Variants in FIP1L1 observed in about 807,000 individuals in gnomAD.
FIP1L1 encodes factor interacting with PAPOLA and CPSF1.
Under a neutral mutation model 84.6 loss-of-function variants are expected in FIP1L1, and 21 were observed. The ratio of observed to expected loss-of-function variants is 0.25; its 90% CI spans 0.18 to 0.36. FIP1L1 has a LOEUF of 0.36. Ranked by LOEUF, FIP1L1 falls within the 10% of genes least tolerant of loss-of-function variation. The pLI is 1.00. For synonymous variants in FIP1L1, 263 were observed against 242.3 expected (o/e 1.09, Z -0.80); for missense variants, 526 against 751.1 (o/e 0.70, Z 3.50).
chr4:53,377,682 C>A lies in FIP1L1; in HGVS notation c.-157C>A. 4.7e-6 allele frequency: 3 copies of A among 639,486 alleles called. No individual in the cohort carries two copies. Among genetic ancestry groups the A allele is most frequent in the Non-Finnish European group, 7.6e-6 (3 of 393,370 alleles). 39.6% of individuals were successfully genotyped at this position (639,486 alleles called of 1,614,324 possible). ...ACCTGCGCTGGAGGCTTCATCTTTG[C>A]CGCCGCTGCCGTCGCCTTCCTGGGA... On this transcript the variant is annotated 5_prime_UTR_variant, in exon 1 of 18. Transcript: ENST00000337488.
At chr4:53,420,427 C>G (rs1300058777) in intron 11 of FIP1L1, among the ~76,000 whole-genome samples, 2 of 80,458 alleles carry the variant, frequency 2.5e-5, no homozygotes, top group Admixed American at 3.2e-4. Flanking sequence ...GAAACTCCAT[C>G]TCAAAAAAAA....
intron 5 of FIP1L1, among the ~76,000 whole-genome samples, chr4:53,387,937 G>T (rs1195854174): frequency 6.6e-6 from 1 of 152,144 alleles, no homozygotes; most frequent in African/African-American, 2.4e-5. Flanking sequence ...TACTTGACAT[G>T]GTTTGGTGCT....
intron 10 of FIP1L1, among the ~76,000 whole-genome samples, chr4:53,400,133 A>G (rs145224649): frequency 1.1e-4 from 17 of 152,328 alleles, no homozygotes; most frequent in Non-Finnish European, 2.1e-4. Context: ...AGAGGTGGTA[A>G]CAGTAGTATT....
chr4:53,437,227 C>G (rs557657897), intron 13 of FIP1L1, among the ~76,000 whole-genome samples: 75 of 141,418 alleles, frequency 5.3e-4, no homozygotes, highest in African/African-American at 1.9e-3. Context: ...ACTTGGGAGG[C>G]TGAGGTGGGA....
rs768710724 is a variant in FIP1L1 at position 53,391,085 on chromosome 4, G to A, written c.582G>A (p.Arg194=). 1.7e-5 allele frequency: 28 copies of A among 1,611,158 alleles called. No individual in the cohort carries two copies. The highest frequency in any genetic ancestry group is 2.4e-5 in the Non-Finnish European group (28 of 1,178,696). Residue 194 remains arginine (R), a synonymous_variant, in exon 8 of 18, where the codon AGG becomes AGA. Transcript: ENST00000337488. ...AAGCTTACTGTGAAAAACAAAAGAG[G>A]ATACGAATGGGACTTGAAGTTATAC... ...TWKAYCEKQK[R]IRMGLEVIPV... is the part of the protein sequence containing the mutation.
chr4:53,420,363 AG>A (rs1021200023), intron 11 of FIP1L1, among the ~76,000 whole-genome samples: 122 of 144,576 alleles, frequency 8.4e-4, no homozygotes, highest in Non-Finnish European at 1.5e-3. Flanking sequence ...CAGGAGGCAG[AG>A]GTTGTGGTGA....
intron 3 of FIP1L1, among the ~76,000 whole-genome samples, chr4:53,381,503 T>A (rs952479386): frequency 6.6e-6 from 1 of 152,208 alleles, no homozygotes; most frequent in Non-Finnish European, 1.5e-5. Flanking sequence ...TGAACAATTA[T>A]AGCTGCATAT....
At chr4:53,409,592 A>T (rs1755950604) in intron 10 of FIP1L1, among the ~76,000 whole-genome samples, 1 of 152,224 alleles carries the variant, frequency 6.6e-6, no homozygotes, top group Admixed American at 6.5e-5. Context: ...TGCCCCCAGT[A>T]GTGGAGCCTA....
At chr4:53,418,394 A>G (rs1453409422) in intron 11 of FIP1L1, among the ~76,000 whole-genome samples, 2 of 152,226 alleles carry the variant, frequency 1.3e-5, no homozygotes, top group Non-Finnish European at 2.9e-5. Context: ...TTTTAACAGT[A>G]TTCTTCAAGC....
intron 10 of FIP1L1, among the ~76,000 whole-genome samples, chr4:53,408,095 G>C (rs1318548064): frequency 1.3e-5 from 2 of 152,144 alleles, no homozygotes; most frequent in Non-Finnish European, 2.9e-5. Flanking sequence ...ATCCTCGATG[G>C]TTTTTACAGT....
chr4:53,392,410 G>T (rs924437476), intron 9 of FIP1L1, among the ~76,000 whole-genome samples: 2 of 152,220 alleles, frequency 1.3e-5, no homozygotes, highest in Admixed American at 1.3e-4. Context: ...ACTGTACACA[G>T]TTCTATATAG....
chr4:53,449,829 GT>G (rs1187412263), intron 15 of FIP1L1, among the ~76,000 whole-genome samples: 1 of 152,070 alleles, frequency 6.6e-6, no homozygotes, highest in Non-Finnish European at 1.5e-5. Flanking sequence ...GTAAGTTTTT[GT>G]TTTTGTTTTT....
intron 11 of FIP1L1, 35 bp from the exon 12 acceptor site, chr4:53,425,837 G>C (rs35792361): frequency 1.4e-6 from 2 of 1,444,546 alleles, no homozygotes; most frequent in Non-Finnish European, 1.9e-6. Context: ...CATCTAATTA[G>C]GTGAAACTGA....
chr4:53,403,364 A>G (rs919897869), intron 10 of FIP1L1, among the ~76,000 whole-genome samples: 3 of 152,182 alleles, frequency 2.0e-5, no homozygotes, highest in African/African-American at 7.2e-5. Context: ...AACTTTTATT[A>G]TATTAGATTG....
rs1721788941 is a variant in FIP1L1, at chr4:53,460,537, A to ATT, written c.*1089_*1090dup. Reference sequence around the variant, plus strand: ...ATTTTAAAAAATATTTTAGCTGTAAATTAAAAATGGCCATAATGTACCCTT... The same window carrying ATT: ...ATTTTAAAAAATATTTTAGCTGTAAATTTTAAAAATGGCCATAATGTACCCTT... On this transcript the variant is annotated 3_prime_UTR_variant, in exon 18 of 18. Coordinates refer to ENST00000337488, the MANE Select transcript of FIP1L1 (RefSeq NM_030917.4). 1 of 211,726 alleles carries ATT rather than the reference A, an allele frequency of 4.7e-6. No homozygotes were observed. Among genetic ancestry groups the ATT allele is most frequent in the African/African-American group, 2.3e-5 (1 of 44,046 alleles). The allele number at this position is 211,726 out of a possible 1,614,324, so 13.1% of individuals were successfully genotyped here. A position where few individuals can be genotyped will look rare whatever the true frequency, so the allele number is the denominator to read the frequency against.
At chr4:53,448,041 T>C (rs1286646114) in intron 15 of FIP1L1, among the ~76,000 whole-genome samples, 1 of 152,090 alleles carries the variant, frequency 6.6e-6, no homozygotes, top group African/African-American at 2.4e-5. Flanking sequence ...TGTAAAGTCT[T>C]ACACATTTTA....
At chr4:53,446,119 G>A (rs762377078) in intron 15 of FIP1L1, among the ~76,000 whole-genome samples, 1 of 151,970 alleles carries the variant, frequency 6.6e-6, no homozygotes, top group Non-Finnish European at 1.5e-5. Flanking sequence ...TTCAAACTGC[G>A]CTTGCCATTC....
At chr4:53,413,160 GT>G (rs888859913) in intron 10 of FIP1L1, among the ~76,000 whole-genome samples, 23 of 145,768 alleles carry the variant, frequency 1.6e-4, no homozygotes, top group East Asian at 4.0e-4. Context: ...TCTCCATCAT[GT>G]TTTTTTTTTT....
At chr4:53,437,697 G>A (rs1326983312) in intron 13 of FIP1L1, among the ~76,000 whole-genome samples, 1 of 146,164 alleles carries the variant, frequency 6.8e-6, no homozygotes, top group African/African-American at 2.5e-5. Flanking sequence ...GTTCAAGGTA[G>A]TTTTTATTTA....
Sources: gnomAD v4.1 joint callset for allele counts (sites outside exome capture counted in the v4.1 genomes callset) on GRCh38, gnomAD v4.1.1 for gene constraint, MANE v1.5 for transcripts, NCBI Gene and HGNC (gene_info 2026-07-23, HGNC 2026-07-21) for gene names.